The following PKHD1 variants were observed in gnomAD, a reference collection of about 807,000 sequenced individuals.
PKHD1 encodes fibrocystin.
PKHD1 carries 291 observed loss-of-function variants against 412.0 expected under a neutral mutation model. That is an observed-to-expected ratio of 0.71 (90% CI 0.64 to 0.78). The LOEUF (loss-of-function observed/expected upper bound fraction) is 0.78. Ranked by LOEUF, PKHD1 falls within the 30% of genes least tolerant of loss-of-function variation. PKHD1 has a pLI of 0.00. For missense variants in PKHD1, 4,825 were observed against 4,950.7 expected (o/e 0.97, Z 0.76); for synonymous variants, 1,777 against 1,821.5 (o/e 0.98, Z 0.62).
intron 60 of PKHD1, among the ~76,000 whole-genome samples, chr6:51,666,562 T>C (rs1430556792): frequency 6.6e-6 from 1 of 152,168 alleles, no homozygotes; most frequent in Non-Finnish European, 1.5e-5. Context: ...AAATTTATTA[T>C]AATACTTTAA....
chr6:51,653,357 GT>G (rs992483475), intron 61 of PKHD1, among the ~76,000 whole-genome samples: 5 of 152,022 alleles, frequency 3.3e-5, no homozygotes, highest in African/African-American at 1.2e-4. Flanking sequence ...TGATCTGACG[GT>G]TTTTTTCTGG....
At chr6:52,076,079 G>T (rs1393755318) in intron 6 of PKHD1, among the ~76,000 whole-genome samples, 197 bp downstream of exon 6, 2 of 152,068 alleles carry the variant, frequency 1.3e-5, no homozygotes, top group Admixed American at 1.3e-4. Flanking sequence ...TTTGTTATCA[G>T]TGAAGTAATA....
chr6:51,627,576 G>A (rs576895575), intron 65 of PKHD1, among the ~76,000 whole-genome samples: 13 of 152,140 alleles, frequency 8.5e-5, no homozygotes, highest in Non-Finnish European at 1.6e-4. Context: ...GCTAGTGACA[G>A]AATATTACTA....
chr6:51,672,089 C>A (rs1350754047), intron 60 of PKHD1, among the ~76,000 whole-genome samples: 1 of 152,204 alleles, frequency 6.6e-6, no homozygotes, highest in Non-Finnish European at 1.5e-5. Flanking sequence ...TTACCCCAAT[C>A]CTACATCTCT....
At chr6:52,052,965 A>G (rs982948364) in intron 21 of PKHD1, 111 bp downstream of exon 21, 20 of 980,128 alleles carry the variant, frequency 2.0e-5, no homozygotes, top group Non-Finnish European at 1.6e-6. Context: ...AAGGCAGGCA[A>G]AAAGGAGGAT....
intron 36 of PKHD1, among the ~76,000 whole-genome samples, chr6:51,955,967 T>A (rs1262908147): frequency 3.9e-5 from 6 of 152,132 alleles, no homozygotes; most frequent in South Asian, 4.1e-4. Context: ...ACTGTTGTTG[T>A]TGTTGATGAT....
At chr6:51,684,785 G>T (rs186842048) in intron 60 of PKHD1, among the ~76,000 whole-genome samples, 1 of 152,144 alleles carries the variant, frequency 6.6e-6, no homozygotes. Context: ...GGTACAAGCA[G>T]CTGGTTTGAC....
Position 51,959,878 on chromosome 6 carries a change from T to A in PKHD1, c.5900A>T (p.His1967Leu). 1 of 1,613,122 alleles carries A rather than the reference T, an allele frequency of 6.2e-7. No individual in the cohort carries two copies. Among genetic ancestry groups the A allele is most frequent in the Non-Finnish European group, 8.5e-7 (1 of 1,179,234 alleles). The change falls in exon 36 of 67, where the codon CAC becomes CTC. Residue 1967 changes from histidine (H) to leucine (L), a missense_variant. Coordinates refer to ENST00000371117, the MANE Select transcript of PKHD1 (RefSeq NM_138694.4). ...CTACAAACTTCACACACCTTTAATG[T>A]GCAGTAAGTTGAGGATGCTTGTGTT... The part of the protein sequence containing the change: ...DTNTSILNLL[H>L]IKGGKLIFMA...
chr6:52,081,043 T>C (rs901266583), intron 4 of PKHD1, among the ~76,000 whole-genome samples: 2 of 152,220 alleles, frequency 1.3e-5, no homozygotes, highest in Non-Finnish European at 2.9e-5. Flanking sequence ...AAGACATATT[T>C]TGTTCATGAA....
intron 60 of PKHD1, among the ~76,000 whole-genome samples, chr6:51,741,340 C>G (rs1308895427): frequency 1.3e-5 from 2 of 152,132 alleles, no homozygotes; most frequent in Non-Finnish European, 1.5e-5. Flanking sequence ...AAACCTATGA[C>G]TTCCTTCTGA....
intron 53 of PKHD1, among the ~76,000 whole-genome samples, chr6:51,778,396 T>C (rs1791415186): frequency 6.6e-6 from 1 of 152,156 alleles, no homozygotes; most frequent in African/African-American, 2.4e-5. Flanking sequence ...ATGAATACAG[T>C]TGAGGTTCTG....
intron 36 of PKHD1, among the ~76,000 whole-genome samples, chr6:51,937,687 T>C (rs1297113937): frequency 6.6e-6 from 1 of 152,238 alleles, no homozygotes; most frequent in Non-Finnish European, 1.5e-5. Context: ...CAATTTAGAA[T>C]GACACACCCC....
chr6:51,693,390 A>G (rs1199491614), intron 60 of PKHD1, among the ~76,000 whole-genome samples: 1 of 152,270 alleles, frequency 6.6e-6, no homozygotes, highest in Non-Finnish European at 1.5e-5. Context: ...CTTATTATAC[A>G]GGCACGTTTA....
chr6:51,909,109 A>G (rs1009263040), intron 40 of PKHD1, among the ~76,000 whole-genome samples, 174 bp downstream of exon 40: 13 of 152,176 alleles, frequency 8.5e-5, no homozygotes, highest in African/African-American at 2.9e-4. Flanking sequence ...AATAAGCTCC[A>G]CAAGTGATTT....
chr6:52,026,643 G>A (rs1447483006), intron 31 of PKHD1, among the ~76,000 whole-genome samples: 1 of 151,856 alleles, frequency 6.6e-6, no homozygotes, highest in East Asian at 1.9e-4. Context: ...CATTTATATT[G>A]TTCTATATAA....
Position 51,619,261 on chromosome 6 carries a change from A to AT in PKHD1, c.12044dup (p.Asn4015LysfsTer25). The AT allele has an allele frequency of 6.2e-7, 1 of 1,614,198 alleles. No homozygotes were observed. The highest frequency in any genetic ancestry group is 2.2e-5 in the East Asian group (1 of 44,878). On this transcript the variant is annotated frameshift_variant, in exon 67 of 67. Coordinates refer to ENST00000371117, the MANE Select transcript of PKHD1 (RefSeq NM_138694.4). LOFTEE classifies it low-confidence loss of function (END_TRUNC). ...AGTCTGGGCATAGCAGCAGCAGCTGATTTTGGCCTGCCAGCTGGTATCTGA... is the reference window on the plus strand; with the variant it reads ...AGTCTGGGCATAGCAGCAGCAGCTGATTTTTGGCCTGCCAGCTGGTATCTGA...
At chr6:52,081,020 GATA>G (rs1484888760) in intron 4 of PKHD1, among the ~76,000 whole-genome samples, 9 of 152,090 alleles carry the variant, frequency 5.9e-5, no homozygotes, top group African/African-American at 1.9e-4. Flanking sequence ...ATGTTTTTAT[GATA>G]ATGATGAATA....
At chr6:51,752,334 T>C (rs545396485) in intron 57 of PKHD1, among the ~76,000 whole-genome samples, 16 of 152,306 alleles carry the variant, frequency 1.1e-4, no homozygotes, top group African/African-American at 3.1e-4. Context: ...CTCCCTCAAG[T>C]TGTGACAAGT....
chr6:51,822,350 C>A (rs371263326), intron 52 of PKHD1, among the ~76,000 whole-genome samples: 1 of 152,158 alleles, frequency 6.6e-6, no homozygotes, highest in African/African-American at 2.4e-5. Context: ...AAATTACCAT[C>A]CTCCTTGTCC....
Sources: allele counts gnomAD v4.1 joint callset (sites outside exome capture counted in the v4.1 genomes callset), GRCh38; gene constraint gnomAD v4.1.1; transcripts MANE v1.5; gene names NCBI Gene and HGNC (gene_info 2026-07-23, HGNC 2026-07-21).